Variants in MARCHF3 observed in about 807,000 individuals in gnomAD.
MARCHF3 encodes E3 ubiquitin-protein ligase MARCHF3.
MARCHF3 carries 13 observed loss-of-function variants against 24.2 expected under a neutral mutation model. That is an observed-to-expected ratio of 0.54 (90% confidence interval 0.35 to 0.85). The LOEUF (loss-of-function observed/expected upper bound fraction) is 0.85, where lower values mean the gene tolerates loss of function less well. Ranked by LOEUF, MARCHF3 falls within the 40% of genes least tolerant of loss-of-function variation. MARCHF3 has a pLI of 0.01. For synonymous variants in MARCHF3, 144 were observed against 137.3 expected (o/e 1.05, Z -0.34); for missense variants, 276 against 325.0 (o/e 0.85, Z 1.16).
rs56148099 is a variant in MARCHF3, at chr5:127,025,308, TAA to T, written c.-57+5040_-57+5041del. ...CCAGAGATGAGAAGGAAAAAGTTAT[TAA>T]AAAAAAAAAAAAAAAGAAAGAAACT... On this transcript the variant is annotated intron_variant, in intron 1 of 4. Transcript: ENST00000308660. 2.5e-3 allele frequency among the ~76,000 whole-genome samples: 339 copies of T among 133,718 alleles called. 1 individual carries two copies. Among genetic ancestry groups the T allele is most frequent in the African/African-American group, 5.9e-3 (208 of 35,154 alleles). 87.7% of individuals were successfully genotyped at this position (133,718 alleles called of 152,430 possible).
intron 1 of MARCHF3, among the ~76,000 whole-genome samples, chr5:127,008,434 G>A (rs143840241): frequency 1.6e-4 from 24 of 152,290 alleles, no homozygotes; most frequent in African/African-American, 5.8e-4. Context: ...AAGAGAGTCT[G>A]GGTGAATCCA....
At position 126,870,731 on chromosome 5, in the gene MARCHF3, T is replaced by C. The variant is rs774257833; in HGVS notation, c.664A>G (p.Ile222Val). The C allele has an allele frequency of 6.8e-6, 11 of 1,614,056 alleles. No individual in the cohort carries two copies. The African/African-American group carries it at 1.3e-4, about 20-fold the overall frequency. Reference protein sequence around the residue: ...NEWRRTNQRVILLIPKSVNVP... With the variant: ...NEWRRTNQRVVLLIPKSVNVP... ...TTGACAGACTTTGGAATGAGGAGAA[T>C]CACCCTCTGATTGGTCCGACGCCAC... The change falls in exon 5 of 5, where the codon ATT (isoleucine) becomes GTT (valine). Residue 222 changes from isoleucine to valine, a missense_variant. Ile to Val is a conservative substitution (Grantham distance 29). Transcript: ENST00000308660.
At chr5:127,008,885 ATTTATTTATTTATTTATTTATTTAT>A (rs1752396299) in intron 1 of MARCHF3, among the ~76,000 whole-genome samples, 3 of 11,606 alleles carry the variant, frequency 2.6e-4, no homozygotes, top group African/African-American at 8.8e-4. Flanking sequence ...TAAAAAATTT[ATTTATTTATTTATTTATTTATTTAT>A]TTATTTATTT....
intron 3 of MARCHF3, among the ~76,000 whole-genome samples, chr5:126,888,326 G>A (rs1363471164): frequency 6.6e-6 from 1 of 152,100 alleles, no homozygotes; most frequent in South Asian, 2.1e-4. Flanking sequence ...GCCAATTAAC[G>A]GGCTATAATG....
chr5:126,949,706 T>A (rs1172785412), intron 1 of MARCHF3, among the ~76,000 whole-genome samples: 1 of 152,134 alleles, frequency 6.6e-6, no homozygotes, highest in Non-Finnish European at 1.5e-5. Flanking sequence ...CCCAGCATAA[T>A]TCAAAAGCAG....
chr5:127,000,929 G>A (rs1752108310), intron 1 of MARCHF3, among the ~76,000 whole-genome samples: 1 of 152,092 alleles, frequency 6.6e-6, no homozygotes, highest in Non-Finnish European at 1.5e-5. Context: ...GCCTCCCAAA[G>A]TGGAGTTTGA....
intron 1 of MARCHF3, among the ~76,000 whole-genome samples, chr5:126,928,484 AT>A (rs1012828903): frequency 6.6e-6 from 1 of 152,124 alleles, no homozygotes; most frequent in Admixed American, 6.5e-5. Context: ...TGTCAAAAAA[AT>A]TTTTTTTAAA....
chr5:127,007,464 T>C (rs920234603), intron 1 of MARCHF3, among the ~76,000 whole-genome samples: 1 of 152,074 alleles, frequency 6.6e-6, no homozygotes, highest in African/African-American at 2.4e-5. Flanking sequence ...ATTCTTCATG[T>C]TTTTCTAATG....
At chr5:127,022,827 A>G (rs1485023498) in intron 1 of MARCHF3, among the ~76,000 whole-genome samples, 3 of 152,110 alleles carry the variant, frequency 2.0e-5, no homozygotes, top group Admixed American at 6.5e-5. Context: ...TCAATTCTCT[A>G]TTTTCTTCTT....
chr5:126,939,312 G>T (rs868775330), intron 1 of MARCHF3, among the ~76,000 whole-genome samples: 1 of 152,158 alleles, frequency 6.6e-6, no homozygotes, highest in Non-Finnish European at 1.5e-5. Flanking sequence ...TGAAAGGAAA[G>T]GTTCCCTAAA....
intron 1 of MARCHF3, among the ~76,000 whole-genome samples, chr5:126,922,525 T>G (rs1309432543): frequency 6.7e-6 from 1 of 149,136 alleles, no homozygotes; most frequent in African/African-American, 2.5e-5. Flanking sequence ...TATTTATTTA[T>G]TTATTTATTT....
intron 3 of MARCHF3, among the ~76,000 whole-genome samples, chr5:126,897,581 T>C (rs368929256): frequency 6.6e-6 from 1 of 151,916 alleles, no homozygotes; most frequent in Non-Finnish European, 1.5e-5. Flanking sequence ...ATGGCAAAAA[T>C]TCAGATAATA....
intron 3 of MARCHF3, chr5:126,899,017 A>G: frequency 1.0e-6 from 1 of 985,330 alleles, no homozygotes; most frequent in Non-Finnish European, 1.2e-6. Context: ...CGTGTTTTAC[A>G]AGCACCAACA....
chr5:127,000,096 G>A (rs1482891747), intron 1 of MARCHF3, among the ~76,000 whole-genome samples: 1 of 151,102 alleles, frequency 6.6e-6, no homozygotes, highest in Non-Finnish European at 1.5e-5. Context: ...ATGATCTTAA[G>A]TCAGAGTCTC....
chr5:126,974,989 G>A (rs1022826422), intron 1 of MARCHF3, among the ~76,000 whole-genome samples: 9 of 152,020 alleles, frequency 5.9e-5, no homozygotes, highest in Admixed American at 3.9e-4. Context: ...ATGGAGTCTC[G>A]CTCTGTCACC....
intron 1 of MARCHF3, among the ~76,000 whole-genome samples, chr5:126,976,669 G>A (rs1367042069): frequency 1.3e-5 from 2 of 152,178 alleles, no homozygotes; most frequent in East Asian, 3.9e-4. Flanking sequence ...CCTATCTCCT[G>A]TTTCTGAGGT....
intron 1 of MARCHF3, among the ~76,000 whole-genome samples, chr5:126,984,463 G>C (rs1022020388): frequency 1.3e-5 from 2 of 152,162 alleles, no homozygotes; most frequent in African/African-American, 4.8e-5. Flanking sequence ...GAGGTCCATA[G>C]GGGAACCAGT....
chr5:126,929,076 G>A (rs1749393343), intron 1 of MARCHF3, among the ~76,000 whole-genome samples: 1 of 152,182 alleles, frequency 6.6e-6, no homozygotes, highest in African/African-American at 2.4e-5. Flanking sequence ...ATATTTGGAT[G>A]TTATTCATCG....
In MARCHF3 at chr5:127,027,813, G is replaced by A. The variant is rs1284633169; in HGVS notation, c.-57+2537C>T. On this transcript the variant is annotated intron_variant, in intron 1 of 4. Transcript: ENST00000308660. ...TCACAGACTATAACTGTTCTTTTAT[G>A]TCATTAACACAATTCCAGTGTTTCT... is the stretch of plus-strand genomic sequence containing the variant. Among the ~76,000 whole-genome samples, 6 of 152,162 alleles carry A rather than the reference G, an allele frequency of 3.9e-5. No homozygotes were observed. In the East Asian group the frequency reaches 1.2e-3, roughly 29 times the overall value.
Sources: allele counts gnomAD v4.1 joint callset (sites outside exome capture counted in the v4.1 genomes callset), GRCh38; gene constraint gnomAD v4.1.1; transcripts MANE v1.5; gene names NCBI Gene and HGNC (gene_info 2026-07-23, HGNC 2026-07-21).